The following BTRC variants were observed in gnomAD, a reference collection of about 807,000 sequenced individuals.
BTRC encodes beta-transducin repeat containing E3 ubiquitin protein ligase, also known as F-box/WD repeat-containing protein 1A.
Under a neutral mutation model 85.5 loss-of-function variants are expected in BTRC, and 42 were observed. The observed-to-expected ratio is 0.49, with a 90% CI of 0.38 to 0.64. BTRC has a LOEUF of 0.64. BTRC is among the 30% of genes least tolerant of loss of function. The pLI, the probability that BTRC is intolerant of heterozygous loss-of-function variation, is 0.00. For synonymous variants in BTRC, 255 were observed against 263.3 expected (o/e 0.97, Z 0.30); for missense variants, 594 against 743.5 (o/e 0.80, Z 2.34).
intron 2 of BTRC, among the ~76,000 whole-genome samples, chr10:101,437,238 A>G (rs1244254815): frequency 6.6e-6 from 1 of 152,190 alleles, no homozygotes; most frequent in African/African-American, 2.4e-5. Context: ...GTTTGTGCAG[A>G]AATGTTTTGT....
chr10:101,481,233 T>C (rs778227544), intron 4 of BTRC, among the ~76,000 whole-genome samples: 1 of 152,176 alleles, frequency 6.6e-6, no homozygotes. Flanking sequence ...CGTGAGCCAC[T>C]GCACCCAGCC....
intron 2 of BTRC, among the ~76,000 whole-genome samples, chr10:101,459,769 TGG>T (rs1374807417): frequency 6.6e-6 from 1 of 152,154 alleles, no homozygotes; most frequent in Non-Finnish European, 1.5e-5. Flanking sequence ...ACCCACCCAG[TGG>T]TTATCCATCT....
intron 3 of BTRC, among the ~76,000 whole-genome samples, chr10:101,462,589 G>C (rs1403275145): frequency 1.3e-5 from 2 of 149,696 alleles, no homozygotes; most frequent in Non-Finnish European, 3.0e-5. Flanking sequence ...TGAGGCAGGA[G>C]AATCACTTGA....
At chr10:101,448,842 TC>T (rs1445816633) in intron 2 of BTRC, among the ~76,000 whole-genome samples, 1 of 151,996 alleles carries the variant, frequency 6.6e-6, no homozygotes, top group Non-Finnish European at 1.5e-5. Context: ...ATATTACTTT[TC>T]TTTAAGGCAT....
chr10:101,466,920 T>C (rs1441142654), intron 3 of BTRC, among the ~76,000 whole-genome samples: 1 of 152,176 alleles, frequency 6.6e-6, no homozygotes, highest in Non-Finnish European at 1.5e-5. Context: ...AGTGAAGAAC[T>C]TAAATCAGCC....
At chr10:101,479,260 A>G in intron 3 of BTRC, 108 bp from the exon 4 acceptor site, 1 of 794,006 alleles carries the variant, frequency 1.3e-6, no homozygotes, top group African/African-American at 1.7e-5. Context: ...TAACTTATAG[A>G]TAAAATCTAT....
intron 1 of BTRC, among the ~76,000 whole-genome samples, chr10:101,382,275 G>C (rs1942955860): frequency 6.6e-6 from 1 of 151,622 alleles, no homozygotes; most frequent in African/African-American, 2.4e-5. Context: ...GAGCCACCGC[G>C]TCCGGCCCCT....
At chr10:101,479,724 CAGT>C (rs953067636) in intron 4 of BTRC, among the ~76,000 whole-genome samples, 7 of 152,268 alleles carry the variant, frequency 4.6e-5, no homozygotes, top group Admixed American at 2.6e-4. Flanking sequence ...TATCACATAT[CAGT>C]AGGATTTGTA....
chr10:101,542,467 A>G (rs755765622), intron 13 of BTRC, among the ~76,000 whole-genome samples: 1 of 152,194 alleles, frequency 6.6e-6, no homozygotes, highest in Non-Finnish European at 1.5e-5. Context: ...CTGTATCCTT[A>G]GTGATTTTTC....
Position 101,526,000 on chromosome 10 carries a change from C to G in BTRC, c.557-13C>G, listed in dbSNP as rs1419294409. On this transcript the variant is annotated splice_polypyrimidine_tract_variant and intron_variant, in intron 5 of 14. Coordinates refer to ENST00000370187, the MANE Select transcript of BTRC (RefSeq NM_033637.4). ...CTGTGTTCTTTTTCTTTGCCTCCTCCCCCTACTGAAAGCTCGGGGATTGGA... is the reference window on the plus strand; with the variant it reads ...CTGTGTTCTTTTTCTTTGCCTCCTCGCCCTACTGAAAGCTCGGGGATTGGA... The G allele has an allele frequency of 6.2e-7, 1 of 1,610,890 alleles. No individual in the cohort carries two copies.
intron 1 of BTRC, among the ~76,000 whole-genome samples, chr10:101,366,909 A>T (rs188040713): frequency 0.038 from 724 of 19,090 alleles, 24 homozygotes; most frequent in African/African-American, 0.052. Flanking sequence ...TATATATATT[A>T]ATATATATTT....
At chr10:101,497,761 C>G (rs1207399252) in intron 4 of BTRC, among the ~76,000 whole-genome samples, 5 of 152,002 alleles carry the variant, frequency 3.3e-5, no homozygotes, top group African/African-American at 1.2e-4. Flanking sequence ...ATGACTCATG[C>G]CTGTAATCCC....
intron 1 of BTRC, chr10:101,354,481 G>C: frequency 2.0e-6 from 1 of 504,432 alleles, no homozygotes; most frequent in Non-Finnish European, 3.5e-6. Context: ...AATCGAGGAG[G>C]GGGCTCCAGG....
chr10:101,411,174 A>T (rs1257724139), intron 1 of BTRC, among the ~76,000 whole-genome samples: 2 of 151,748 alleles, frequency 1.3e-5, no homozygotes. Context: ...TTGTTTTTTC[A>T]GTAGAGATGG....
At chr10:101,355,645 T>TA (rs1942013185) in intron 1 of BTRC, among the ~76,000 whole-genome samples, 1 of 152,124 alleles carries the variant, frequency 6.6e-6, no homozygotes, top group African/African-American at 2.4e-5. Flanking sequence ...CTCCTTTGCT[T>TA]AAAAAAATAG....
At chr10:101,399,787 C>T (rs1333611691) in intron 1 of BTRC, among the ~76,000 whole-genome samples, 2 of 152,026 alleles carry the variant, frequency 1.3e-5, no homozygotes, top group African/African-American at 2.4e-5. Context: ...TACATCTTGG[C>T]TTATGATAAA....
At chr10:101,507,662 C>CT (rs1462892453) in intron 4 of BTRC, among the ~76,000 whole-genome samples, 6 of 151,570 alleles carry the variant, frequency 4.0e-5, no homozygotes, top group Non-Finnish European at 7.4e-5. Context: ...TTTTTTTTTG[C>CT]TGAAGGATGT....
At chr10:101,354,394 G>A in intron 1 of BTRC, 166 bp downstream of exon 1, 2 of 747,930 alleles carry the variant, frequency 2.7e-6, no homozygotes, top group Non-Finnish European at 4.1e-6. Flanking sequence ...GAGGCTGGGG[G>A]TTGCGGAGCG....
chr10:101,420,118 T>C (rs1944059660), intron 1 of BTRC, among the ~76,000 whole-genome samples: 1 of 152,078 alleles, frequency 6.6e-6, no homozygotes, highest in Non-Finnish European at 1.5e-5. Flanking sequence ...GTGTAATACA[T>C]TGTAAGATTT....
Sources: gnomAD v4.1 joint callset for allele counts (sites outside exome capture counted in the v4.1 genomes callset) on GRCh38, gnomAD v4.1.1 for gene constraint, MANE v1.5 for transcripts, NCBI Gene and HGNC (gene_info 2026-07-23, HGNC 2026-07-21) for gene names.